The following WWOX variants were observed in gnomAD, a reference collection of about 807,000 sequenced individuals.
The protein encoded by WWOX is WW domain containing oxidoreductase.
In WWOX, 69 loss-of-function variants were observed where a neutral mutation model predicts 46.2. The observed-to-expected ratio is 1.49, with a 90% CI of 1.23 to 1.82. The LOEUF (loss-of-function observed/expected upper bound fraction) is 1.82. Ranked by LOEUF, WWOX falls within the 40% of genes most tolerant of loss-of-function variation. The pLI, the probability that WWOX is intolerant of heterozygous loss-of-function variation, is 0.00. For synonymous variants in WWOX, 359 were observed against 202.6 expected (o/e 1.77, Z -6.56); for missense variants, 919 against 542.6 (o/e 1.69, Z -6.89).
At chr16:78,506,902 C>T (rs886230625) in intron 8 of WWOX, among the ~76,000 whole-genome samples, 11 of 151,942 alleles carry the variant, frequency 7.2e-5, no homozygotes, top group Admixed American at 3.3e-4. Flanking sequence ...TTAGTAGAGA[C>T]GGGATTTCAC....
chr16:78,504,750 G>A lies in WWOX; in HGVS notation c.1056+71998G>A, dbSNP rs377742870. ...GGCTGGTCATGGGGCTTGGAACCACGCCACGGACGCATGAAGCCTCCCCGT... is the reference window on the plus strand; with the variant it reads ...GGCTGGTCATGGGGCTTGGAACCACACCACGGACGCATGAAGCCTCCCCGT... On this transcript the variant is annotated intron_variant, in intron 8 of 8. Transcript: ENST00000566780. 7.2e-4 allele frequency among the ~76,000 whole-genome samples: 110 copies of A among 152,124 alleles called. 2 individuals are homozygous for A. The highest frequency in any genetic ancestry group is 2.5e-3 in the African/African-American group (105 of 41,502).
In WWOX at chr16:78,870,633, A is replaced by T. The variant is rs541425387; in HGVS notation, c.1057-340975A>T. On this transcript the variant is annotated intron_variant, in intron 8 of 8. Coordinates refer to ENST00000566780, the MANE Select transcript of WWOX (RefSeq NM_016373.4). The stretch of plus-strand genomic sequence containing the variant: ...TTTTCTTTTTTGGAGACGGAATCTC[A>T]CTCTGTTGCCCAGGCTGGAGTGCGG... Among the ~76,000 whole-genome samples the T allele has an allele frequency of 2.0e-5, 3 of 152,044 alleles. No individual in the cohort carries two copies. The South Asian group carries it at 6.2e-4, about 32-fold the overall frequency.
intron 8 of WWOX, among the ~76,000 whole-genome samples, chr16:78,484,309 A>G (rs2084574277): frequency 6.6e-6 from 1 of 152,164 alleles, no homozygotes; most frequent in Non-Finnish European, 1.5e-5. Flanking sequence ...GATTATTTTC[A>G]TCTAAGACCC....
At chr16:78,864,475 C>G (rs1356737189) in intron 8 of WWOX, among the ~76,000 whole-genome samples, 1 of 152,020 alleles carries the variant, frequency 6.6e-6, no homozygotes, top group Non-Finnish European at 1.5e-5. Context: ...CTCCATGTTG[C>G]CAAGGCTGAT....
At chr16:78,234,097 C>G (rs1488900174) in intron 5 of WWOX, among the ~76,000 whole-genome samples, 1 of 146,156 alleles carries the variant, frequency 6.8e-6, no homozygotes, top group African/African-American at 2.5e-5. Context: ...TAGTCCAGAA[C>G]ACGGTGGGGA....
chr16:78,803,551 G>A (rs6564589), intron 8 of WWOX, among the ~76,000 whole-genome samples: 76,299 of 151,674 alleles, frequency 0.5, 19,591 homozygotes, highest in Middle Eastern at 0.63. Context: ...GGCTCAAGCA[G>A]TCGTCCTGCC....
At chr16:78,109,181 C>T (rs1465098646) in intron 2 of WWOX, among the ~76,000 whole-genome samples, 1 of 152,008 alleles carries the variant, frequency 6.6e-6, no homozygotes, top group Non-Finnish European at 1.5e-5. Context: ...AATGTATGAT[C>T]CACGGAATAG....
chr16:78,894,124 G>A (rs2044651152), intron 8 of WWOX, among the ~76,000 whole-genome samples: 1 of 151,240 alleles, frequency 6.6e-6, no homozygotes, highest in South Asian at 2.1e-4. Context: ...CTGCAGCCTT[G>A]ACCTCCTGGG....
intron 8 of WWOX, among the ~76,000 whole-genome samples, chr16:79,082,913 G>A (rs2048787108): frequency 6.6e-6 from 1 of 152,158 alleles, no homozygotes; most frequent in Admixed American, 6.5e-5. Flanking sequence ...GAGGGGCTCG[G>A]TTTTGGGAGG....
At chr16:78,440,808 G>A (rs1483661207) in intron 8 of WWOX, among the ~76,000 whole-genome samples, 2 of 151,926 alleles carry the variant, frequency 1.3e-5, no homozygotes, top group African/African-American at 4.8e-5. Flanking sequence ...TAGTAGAAGC[G>A]GGGTTTCAAC....
chr16:78,923,228 A>G (rs540450132), intron 8 of WWOX, among the ~76,000 whole-genome samples: 2 of 152,094 alleles, frequency 1.3e-5, no homozygotes, highest in Admixed American at 6.5e-5. Flanking sequence ...TGATCTGCGT[A>G]ACTCGGCCTC....
chr16:78,932,028 G>C (rs539443235), intron 8 of WWOX, among the ~76,000 whole-genome samples: 7 of 152,198 alleles, frequency 4.6e-5, no homozygotes, highest in Non-Finnish European at 7.3e-5. Context: ...GCCTTCTGCC[G>C]TGATTGTGAG....
intron 8 of WWOX, among the ~76,000 whole-genome samples, chr16:78,789,139 C>G (rs1462872266): frequency 6.6e-6 from 1 of 152,012 alleles, no homozygotes; most frequent in Non-Finnish European, 1.5e-5. Flanking sequence ...TGTGGTGTCA[C>G]CCCTCCTCTC....
At chr16:78,730,297 TTGCCTCCTTCCCTCTC>T (rs1264793522) in intron 8 of WWOX, among the ~76,000 whole-genome samples, 1 of 152,074 alleles carries the variant, frequency 6.6e-6, no homozygotes, top group Admixed American at 6.5e-5. Flanking sequence ...TCCTCCTTCC[TTGCCTCCTTCCCTCTC>T]TGCCTCCTTC....
rs187897722 is a variant in WWOX, at chr16:78,574,634, C to T, written c.1056+141882C>T. Among the ~76,000 whole-genome samples the T allele has an allele frequency of 3.3e-5, 5 of 152,004 alleles. No homozygotes were observed. The East Asian group carries it at 9.8e-4, about 30-fold the overall frequency. On this transcript the variant is annotated intron_variant, in intron 8 of 8. Transcript: ENST00000566780. ...AATAATATTTCACTGTATATGTGAA[C>T]CACATTTTTAAAAATGCATTTCTGA...
intron 8 of WWOX, among the ~76,000 whole-genome samples, chr16:78,445,175 G>A (rs7193100): frequency 0.15 from 22,969 of 152,040 alleles, 2,335 homozygotes; most frequent in East Asian, 0.3. Flanking sequence ...CCTAGAGTCT[G>A]GATTCTTTTT....
chr16:78,923,570 A>G (rs959858474), intron 8 of WWOX, among the ~76,000 whole-genome samples: 1 of 152,046 alleles, frequency 6.6e-6, no homozygotes, highest in Non-Finnish European at 1.5e-5. Flanking sequence ...TTTTCCATTC[A>G]TAGTGTGTTA....
chr16:78,349,658 A>T (rs1302163304), intron 5 of WWOX, among the ~76,000 whole-genome samples: 3 of 119,984 alleles, frequency 2.5e-5, no homozygotes, highest in African/African-American at 8.5e-5. Context: ...CCCTTCCGAC[A>T]ATCCTTCATC....
intron 8 of WWOX, among the ~76,000 whole-genome samples, chr16:79,001,316 C>T (rs1055455939): frequency 6.6e-6 from 1 of 152,076 alleles, no homozygotes; most frequent in East Asian, 1.9e-4. Context: ...CTCCCTCCCC[C>T]TATTCTCAGC....
Sources: gnomAD v4.1 joint callset for allele counts (sites outside exome capture counted in the v4.1 genomes callset) on GRCh38, gnomAD v4.1.1 for gene constraint, MANE v1.5 for transcripts, NCBI Gene and HGNC (gene_info 2026-07-23, HGNC 2026-07-21) for gene names.